The following ADAMTS14 variants were observed in gnomAD, a reference collection of about 807,000 sequenced individuals.
ADAMTS14 encodes the protein ADAM metallopeptidase with thrombospondin type 1 motif 14, also known as A disintegrin and metalloproteinase with thrombospondin motifs 14.
Under a neutral mutation model 128.6 loss-of-function variants are expected in ADAMTS14, and 100 were observed. That is an observed-to-expected ratio of 0.78 (90% CI 0.66 to 0.92). The LOEUF is 0.92. Ranked by LOEUF, ADAMTS14 falls within the 40% of genes least tolerant of loss-of-function variation. The pLI, the probability that ADAMTS14 is intolerant of heterozygous loss-of-function variation, is 0.00. For missense variants in ADAMTS14, 1,562 were observed against 1,658.6 expected (o/e 0.94, Z 1.01); for synonymous variants, 665 against 653.8 (o/e 1.02, Z -0.26).
intron 2 of ADAMTS14, among the ~76,000 whole-genome samples, chr10:70,679,161 GGA>G (rs1346992841): frequency 6.6e-6 from 1 of 152,140 alleles, no homozygotes; most frequent in African/African-American, 2.4e-5. Context: ...AAGGTTCCCT[GGA>G]GGAGGTAGCA....
At chr10:70,699,324 G>T (rs180928397) in intron 2 of ADAMTS14, among the ~76,000 whole-genome samples, 5 of 152,120 alleles carry the variant, frequency 3.3e-5, no homozygotes, top group African/African-American at 4.8e-5. Context: ...GATGAAATAA[G>T]ATAATATATA....
intron 4 of ADAMTS14, among the ~76,000 whole-genome samples, chr10:70,726,045 C>T (rs10159685): frequency 0.31 from 46,954 of 152,124 alleles, 8,147 homozygotes; most frequent in African/African-American, 0.46. Flanking sequence ...GGTTGCTTCT[C>T]AGTGGTATCT....
At chr10:70,732,564 A>G (rs75153220) in intron 7 of ADAMTS14, among the ~76,000 whole-genome samples, 2 of 152,226 alleles carry the variant, frequency 1.3e-5, no homozygotes, top group African/African-American at 2.4e-5. Flanking sequence ...GCCAAGGGGC[A>G]TGAGTAGTAA....
At chr10:70,681,631 C>G (rs189064423) in intron 2 of ADAMTS14, among the ~76,000 whole-genome samples, 1 of 152,160 alleles carries the variant, frequency 6.6e-6, no homozygotes, top group African/African-American at 2.4e-5. Context: ...GTCCTTGCCC[C>G]GGGGGCTGCT....
chr10:70,703,456 A>G (rs1468904894), intron 3 of ADAMTS14, among the ~76,000 whole-genome samples: 3 of 152,216 alleles, frequency 2.0e-5, no homozygotes, highest in African/African-American at 7.2e-5. Flanking sequence ...TTGAAGCTCC[A>G]GTTGCTCTCC....
intron 2 of ADAMTS14, among the ~76,000 whole-genome samples, chr10:70,677,813 G>A (rs1038954933): frequency 1.3e-5 from 2 of 152,202 alleles, no homozygotes; most frequent in African/African-American, 4.8e-5. Context: ...CCTGTGTCCC[G>A]TGACAGCAAG....
chr10:70,736,193 G>T (rs574313465), intron 9 of ADAMTS14, among the ~76,000 whole-genome samples: 1 of 152,330 alleles, frequency 6.6e-6, no homozygotes, highest in South Asian at 2.1e-4. Flanking sequence ...AATCTGAAAC[G>T]TAAGGTCATC....
At position 70,758,233 on chromosome 10, in the gene ADAMTS14, G is replaced by T; in HGVS notation, c.3126G>T (p.Gly1042=). 1 of 1,614,246 alleles carries T rather than the reference G, an allele frequency of 6.2e-7. No homozygotes were observed. Reference sequence around the variant, plus strand: ...TCTGGGAACTTGGGACGCCAGAGGGGCAGTGGGTGCCACAATCTGAACCCC... The same window carrying T: ...TCTGGGAACTTGGGACGCCAGAGGGTCAGTGGGTGCCACAATCTGAACCCC... ...ADVWELGTPE[G]QWVPQSEPLH... is the part of the protein sequence containing the mutation. The change falls in exon 21 of 22, where the codon GGG becomes GGT. Residue 1042 remains glycine, a synonymous_variant. Coordinates refer to ENST00000373207, the MANE Select transcript of ADAMTS14 (RefSeq NM_080722.4).
At chr10:70,683,626 TAACAAATCA>T (rs1564518389) in intron 2 of ADAMTS14, among the ~76,000 whole-genome samples, 1 of 152,184 alleles carries the variant, frequency 6.6e-6, no homozygotes, top group Non-Finnish European at 1.5e-5. Flanking sequence ...CATTCTTGTG[TAACAAATCA>T]GTCTAAAACT....
Position 70,736,068 on chromosome 10 carries a change from G to T in ADAMTS14, c.1486-612G>T, listed in dbSNP as rs566825217. Reference sequence around the variant, plus strand: ...TGTGGTCTGACAAAGTGCCTGAGTTGTGGGCAGAGGACAAGGACATGGGAT... The same window carrying T: ...TGTGGTCTGACAAAGTGCCTGAGTTTTGGGCAGAGGACAAGGACATGGGAT... On this transcript the variant is annotated intron_variant, in intron 9 of 21. Transcript: ENST00000373207. Among the ~76,000 whole-genome samples, 294 of 152,378 alleles carry T rather than the reference G, an allele frequency of 1.9e-3. 1 individual carries two copies. Among genetic ancestry groups the T allele is most frequent in the African/African-American group, 6.8e-3 (283 of 41,588 alleles).
chr10:70,680,230 C>T (rs1839762418), intron 2 of ADAMTS14, among the ~76,000 whole-genome samples: 1 of 151,924 alleles, frequency 6.6e-6, no homozygotes, highest in Admixed American at 6.6e-5. Context: ...GGAGAAACCC[C>T]GCCTCCACTA....
chr10:70,699,878 T>C (rs1047391347), intron 2 of ADAMTS14, among the ~76,000 whole-genome samples: 5 of 152,116 alleles, frequency 3.3e-5, no homozygotes, highest in Admixed American at 1.3e-4. Flanking sequence ...AGAGGCGTGA[T>C]GGACCGAGAC....
intron 10 of ADAMTS14, among the ~76,000 whole-genome samples, chr10:70,737,390 T>C (rs778511484): frequency 2.0e-4 from 30 of 152,322 alleles, no homozygotes; most frequent in Admixed American, 3.9e-4. Context: ...GTGGTGACCT[T>C]GGGCCGTTCA....
chr10:70,727,895 A>C (rs1033414661), intron 4 of ADAMTS14, among the ~76,000 whole-genome samples: 1 of 152,142 alleles, frequency 6.6e-6, no homozygotes, highest in Admixed American at 6.5e-5. Context: ...GGAGATCGAG[A>C]CCATCCTGGC....
chr10:70,749,430 C>G lies in ADAMTS14; in HGVS notation c.2264-392C>G, dbSNP rs543301115. Among the ~76,000 whole-genome samples, 28 of 152,284 alleles carry G rather than the reference C, an allele frequency of 1.8e-4. No homozygotes were observed. The South Asian group carries it at 5.8e-3, about 32-fold the overall frequency. ...AGTCTGTACTCTCAGCCTCTATGCT[C>G]TGCTATAGAAATTCTAGGGAGGGCA... is the stretch of plus-strand genomic sequence containing the variant. On this transcript the variant is annotated intron_variant, in intron 15 of 21. Coordinates refer to ENST00000373207, the MANE Select transcript of ADAMTS14 (RefSeq NM_080722.4).
intron 12 of ADAMTS14, among the ~76,000 whole-genome samples, chr10:70,742,682 C>T (rs1842037620): frequency 6.6e-6 from 1 of 152,224 alleles, no homozygotes; most frequent in African/African-American, 2.4e-5. Flanking sequence ...GCCCGTGGGG[C>T]AGCTGGACTT....
rs534000618 is a variant in ADAMTS14, at chr10:70,741,392, C to T, written c.1924+230C>T. Among the ~76,000 whole-genome samples the T allele has an allele frequency of 7.2e-5, 11 of 152,340 alleles. No homozygotes were observed. The South Asian group carries it at 2.3e-3, about 32-fold the overall frequency. ...ATCAAGGCCATCCCTGATTTGTGTA[C>T]TTATGATGACAGTTTTCTGGCAGAT... On this transcript the variant is annotated intron_variant, in intron 12 of 21. Coordinates refer to ENST00000373207, the MANE Select transcript of ADAMTS14 (RefSeq NM_080722.4).
intron 10 of ADAMTS14, 123 bp downstream of exon 10, chr10:70,736,916 T>A: frequency 1.2e-6 from 1 of 838,844 alleles, no homozygotes; most frequent in South Asian, 1.7e-5. Flanking sequence ...GAGTTGAGGG[T>A]GGTGCTAAAA....
intron 16 of ADAMTS14, among the ~76,000 whole-genome samples, chr10:70,750,278 G>A (rs10999509): frequency 0.17 from 26,420 of 152,210 alleles, 2,979 homozygotes; most frequent in East Asian, 0.56. Context: ...GGGAGGTTGG[G>A]CAGGGCTGGG....
Sources: gnomAD v4.1 joint callset for allele counts (sites outside exome capture counted in the v4.1 genomes callset) on GRCh38, gnomAD v4.1.1 for gene constraint, MANE v1.5 for transcripts, NCBI Gene and HGNC (gene_info 2026-07-23, HGNC 2026-07-21) for gene names.